Variants in TRAPPC9 observed in about 807,000 individuals in gnomAD.
TRAPPC9 encodes the protein trafficking protein particle complex subunit 9.
TRAPPC9 carries 83 observed loss-of-function variants against 124.0 expected under a neutral mutation model. The observed-to-expected ratio is 0.67, with a 90% CI of 0.56 to 0.80. The LOEUF (loss-of-function observed/expected upper bound fraction) is 0.80. Ranked by LOEUF, TRAPPC9 falls within the 30% of genes least tolerant of loss-of-function variation. TRAPPC9 has a pLI of 0.00. For synonymous variants in TRAPPC9, 638 were observed against 617.5 expected, an observed-to-expected ratio of 1.03 and a Z score of -0.49; for missense variants, 1,302 against 1,508.3, an observed-to-expected ratio of 0.86 and a Z score of 2.27.
At chr8:140,197,566 C>T (rs997874875) in intron 17 of TRAPPC9, among the ~76,000 whole-genome samples, 11 of 152,126 alleles carry the variant, frequency 7.2e-5, no homozygotes, top group African/African-American at 2.2e-4. Context: ...ATGCATCTGC[C>T]TCGGTATCAA....
chr8:139,970,839 G>A (rs1201137392), intron 19 of TRAPPC9, among the ~76,000 whole-genome samples: 1 of 152,040 alleles, frequency 6.6e-6, no homozygotes, highest in Non-Finnish European at 1.5e-5. Context: ...TTTCTGGTGT[G>A]GCCAGAAGCC....
intron 7 of TRAPPC9, 40 bp from the exon 8 acceptor site, chr8:140,371,220 C>T (rs954933996): frequency 1.8e-5 from 28 of 1,540,614 alleles, no homozygotes; most frequent in African/African-American, 2.7e-5. Flanking sequence ...TTGAAAGAAA[C>T]GTATAAGTGA....
intron 17 of TRAPPC9, among the ~76,000 whole-genome samples, chr8:140,052,467 T>A (rs1842061963): frequency 6.6e-6 from 1 of 152,040 alleles, no homozygotes; most frequent in Non-Finnish European, 1.5e-5. Context: ...CAAGAACCCA[T>A]CTCTACAAAA....
chr8:140,067,275 C>A (rs1296696404), intron 17 of TRAPPC9, among the ~76,000 whole-genome samples: 1 of 152,192 alleles, frequency 6.6e-6, no homozygotes, highest in Non-Finnish European at 1.5e-5. Flanking sequence ...TCCCAAGTAG[C>A]TGGGACTACA....
intron 19 of TRAPPC9, among the ~76,000 whole-genome samples, chr8:139,911,690 G>A (rs1229860195): frequency 2.0e-5 from 3 of 151,318 alleles, no homozygotes; most frequent in Admixed American, 6.6e-5. Flanking sequence ...AAATGGCAGA[G>A]TGAGACTCTG....
intron 9 of TRAPPC9, among the ~76,000 whole-genome samples, chr8:140,351,375 G>GT (rs34577924): frequency 7.7e-4 from 114 of 147,914 alleles, no homozygotes; most frequent in Middle Eastern, 3.5e-3. Flanking sequence ...AACGTGTGTA[G>GT]TTTTTTTTTT....
chr8:140,311,413 C>T (rs1166413174), intron 9 of TRAPPC9, 39 bp from the exon 10 acceptor site: 6 of 1,608,348 alleles, frequency 3.7e-6, no homozygotes, highest in Non-Finnish European at 4.2e-6. Flanking sequence ...ATGTATTAGG[C>T]AAAAGTCAAA....
chr8:139,821,907 C>T (rs1397556169), intron 21 of TRAPPC9, among the ~76,000 whole-genome samples: 1 of 152,174 alleles, frequency 6.6e-6, no homozygotes, highest in Non-Finnish European at 1.5e-5. Flanking sequence ...GAAAATGAAT[C>T]GTAGTGCCAT....
intron 14 of TRAPPC9, among the ~76,000 whole-genome samples, chr8:140,282,124 C>T (rs962122374): frequency 1.3e-5 from 2 of 152,138 alleles, no homozygotes; most frequent in Non-Finnish European, 2.9e-5. Flanking sequence ...CATGAATGGG[C>T]TTTAAAAACA....
intron 17 of TRAPPC9, among the ~76,000 whole-genome samples, chr8:140,085,338 TAAAAAAA>T (rs11423500): frequency 7.0e-6 from 1 of 143,258 alleles, no homozygotes; most frequent in East Asian, 2.1e-4. Flanking sequence ...TCTTACTGTT[TAAAAAAA>T]AAAAAAAAGG....
chr8:140,402,433 C>A (rs575592976), intron 6 of TRAPPC9, among the ~76,000 whole-genome samples: 43 of 148,958 alleles, frequency 2.9e-4, no homozygotes, highest in South Asian at 2.1e-3. Context: ...GTGGCTCACG[C>A]CTGTAACCCC....
intron 21 of TRAPPC9, among the ~76,000 whole-genome samples, chr8:139,747,811 T>G (rs1466830026): frequency 6.4e-5 from 1 of 15,552 alleles, no homozygotes; most frequent in Non-Finnish European, 1.1e-4. Context: ...TCAGAGTGGG[T>G]GTGGGGGTGT....
intron 13 of TRAPPC9, among the ~76,000 whole-genome samples, chr8:140,287,250 G>A (rs1283691151): frequency 6.6e-6 from 1 of 152,144 alleles, no homozygotes; most frequent in African/African-American, 2.4e-5. Flanking sequence ...AGGATGTAGA[G>A]GGTTAAAGGC....
chr8:139,902,752 A>G (rs1479671651), intron 20 of TRAPPC9, among the ~76,000 whole-genome samples: 1 of 152,206 alleles, frequency 6.6e-6, no homozygotes, highest in Non-Finnish European at 1.5e-5. Flanking sequence ...GAGAGGCCGA[A>G]GGGTGGGCCC....
intron 19 of TRAPPC9, chr8:139,933,248 C>T (rs555270184): frequency 6.6e-6 from 1 of 152,524 alleles, no homozygotes; most frequent in East Asian, 1.9e-4. Context: ...CAACTAAGAT[C>T]TCTTCTAACA....
intron 17 of TRAPPC9, among the ~76,000 whole-genome samples, chr8:140,201,042 C>T (rs1049196367): frequency 2.0e-5 from 3 of 152,168 alleles, no homozygotes; most frequent in South Asian, 2.1e-4. Flanking sequence ...AGTAGCATGT[C>T]ACCACCGTGC....
At chr8:140,406,632 G>C (rs749307002) in intron 5 of TRAPPC9, among the ~76,000 whole-genome samples, 3 of 152,116 alleles carry the variant, frequency 2.0e-5, no homozygotes, top group Non-Finnish European at 4.4e-5. Context: ...AGGTTTTTTG[G>C]AACAAGACAG....
chr8:139,940,466 G>A (rs1431916466), intron 19 of TRAPPC9, among the ~76,000 whole-genome samples: 2 of 152,214 alleles, frequency 1.3e-5, no homozygotes, highest in Admixed American at 1.3e-4. Context: ...AATGAAATGG[G>A]GGGGATTTTA....
chr8:140,219,574 C>G (rs2063284843), intron 17 of TRAPPC9, among the ~76,000 whole-genome samples: 1 of 152,202 alleles, frequency 6.6e-6, no homozygotes, highest in South Asian at 2.1e-4. Context: ...CAGGTCCTTA[C>G]CTTCCACGAC....
Sources: gnomAD v4.1 joint callset for allele counts (sites outside exome capture counted in the v4.1 genomes callset) on GRCh38, gnomAD v4.1.1 for gene constraint, MANE v1.5 for transcripts, NCBI Gene and HGNC (gene_info 2026-07-23, HGNC 2026-07-21) for gene names.